ZBTB7C: variants seen among roughly 807,000 people sequenced by gnomAD.
ZBTB7C encodes zinc finger and BTB domain-containing protein 7C.
A neutral mutation model predicts 25.7 loss-of-function variants in ZBTB7C; 8 were observed. That is an observed-to-expected ratio of 0.31 (90% CI 0.18 to 0.56). ZBTB7C has a LOEUF of 0.56. Ranked by LOEUF, ZBTB7C falls within the 20% of genes least tolerant of loss-of-function variation. The pLI is 0.91. For missense variants in ZBTB7C, 824 were observed against 855.2 expected (o/e 0.96, Z 0.46); for synonymous variants, 394 against 369.0 (o/e 1.07, Z -0.78).
chr18:48,094,151 A>G (rs1044983578), intron 3 of ZBTB7C, among the ~76,000 whole-genome samples: 1 of 152,242 alleles, frequency 6.6e-6, no homozygotes. Flanking sequence ...TATTCTGGCT[A>G]CTGTTCAACT....
At chr18:48,247,663 C>G (rs1192625853) in intron 2 of ZBTB7C, among the ~76,000 whole-genome samples, 1 of 152,178 alleles carries the variant, frequency 6.6e-6, no homozygotes, top group Non-Finnish European at 1.5e-5. Flanking sequence ...GTGTCCCCAC[C>G]CAAATCTCAT....
intron 2 of ZBTB7C, among the ~76,000 whole-genome samples, chr18:48,312,259 G>C (rs2045838364): frequency 6.6e-6 from 1 of 152,190 alleles, no homozygotes. Context: ...ATCTTCTTGA[G>C]GCCATCCAGG....
chr18:48,196,094 G>A (rs909421143), intron 2 of ZBTB7C, among the ~76,000 whole-genome samples: 12 of 152,156 alleles, frequency 7.9e-5, no homozygotes, highest in African/African-American at 2.7e-4. Context: ...AGGGGGAATG[G>A]AGAAAGCTGG....
chr18:48,057,218 G>A (rs1441012903), intron 3 of ZBTB7C, among the ~76,000 whole-genome samples: 1 of 151,928 alleles, frequency 6.6e-6, no homozygotes, highest in Admixed American at 6.6e-5. Flanking sequence ...AAAAAATTCT[G>A]ATAACTCAGC....
intron 3 of ZBTB7C, among the ~76,000 whole-genome samples, chr18:48,083,566 G>A (rs1443531325): frequency 1.3e-5 from 2 of 152,102 alleles, no homozygotes; most frequent in Admixed American, 6.6e-5. Context: ...AGGAGGCTGC[G>A]GTGCAAAGTT....
At chr18:48,189,356 T>C (rs544313856) in intron 2 of ZBTB7C, among the ~76,000 whole-genome samples, 1 of 152,214 alleles carries the variant, frequency 6.6e-6, no homozygotes, top group Non-Finnish European at 1.5e-5. Flanking sequence ...ATTTTTTTTC[T>C]ATGCCCTGGA....
chr18:48,395,265 ATGTGTGTGTGTGTGTGTGTGTGTGTGTG>A (rs59232482), intron 1 of ZBTB7C, among the ~76,000 whole-genome samples: 5 of 103,568 alleles, frequency 4.8e-5, no homozygotes, highest in Admixed American at 2.1e-4. Flanking sequence ...GAGAGAGAGA[ATGTGTGTGTGTGTGTGTGTGTGTGTGTG>A]TGTGTGTGTG....
At chr18:48,129,237 C>T (rs1489903862) in intron 3 of ZBTB7C, among the ~76,000 whole-genome samples, 3 of 151,804 alleles carry the variant, frequency 2.0e-5, no homozygotes, top group Non-Finnish European at 4.4e-5. Context: ...TGGTGAAAAA[C>T]CAAAGGTCAA....
At chr18:48,255,965 G>GA (rs2044009696) in intron 2 of ZBTB7C, among the ~76,000 whole-genome samples, 1 of 152,008 alleles carries the variant, frequency 6.6e-6, no homozygotes, top group Non-Finnish European at 1.5e-5. Context: ...AACACATAGA[G>GA]AAAAAAGAAT....
At chr18:48,352,504 G>A (rs950792012) in intron 1 of ZBTB7C, among the ~76,000 whole-genome samples, 6 of 152,176 alleles carry the variant, frequency 3.9e-5, no homozygotes, top group Non-Finnish European at 1.5e-5. Context: ...CCCAAGAGGA[G>A]GCACAGTCTC....
intron 3 of ZBTB7C, among the ~76,000 whole-genome samples, chr18:48,044,012 G>T (rs1409452676): frequency 1.3e-5 from 2 of 152,158 alleles, no homozygotes; most frequent in Non-Finnish European, 2.9e-5. Flanking sequence ...ATCCAGCATG[G>T]GAGGATGTGG....
intron 3 of ZBTB7C, among the ~76,000 whole-genome samples, chr18:48,065,464 A>C (rs2037293795): frequency 6.6e-6 from 1 of 152,194 alleles, no homozygotes. Context: ...GCCTTTTAAT[A>C]TCCTGCAGAA....
At chr18:48,097,382 G>GTTGTTATTATTATTA (rs10651143) in intron 3 of ZBTB7C, among the ~76,000 whole-genome samples, 5,286 of 144,882 alleles carry the variant, frequency 0.036, 112 homozygotes, top group Admixed American at 0.058. Context: ...TATTGTTGTT[G>GTTGTTATTATTATTA]TTATTATTAT....
intron 3 of ZBTB7C, among the ~76,000 whole-genome samples, chr18:48,097,987 A>G (rs575913226): frequency 6.6e-6 from 1 of 152,260 alleles, no homozygotes; most frequent in African/African-American, 2.4e-5. Context: ...TCTTTCTGCT[A>G]AGACTCAGAA....
intron 3 of ZBTB7C, among the ~76,000 whole-genome samples, chr18:48,178,158 A>T (rs1810988924): frequency 6.6e-6 from 1 of 152,142 alleles, no homozygotes; most frequent in Non-Finnish European, 1.5e-5. Flanking sequence ...TCAACTCTCC[A>T]AATTGTCTAT....
chr18:48,164,498 G>A (rs1031414522), intron 3 of ZBTB7C, among the ~76,000 whole-genome samples: 1 of 152,134 alleles, frequency 6.6e-6, no homozygotes, highest in Non-Finnish European at 1.5e-5. Context: ...ATACTCATCT[G>A]CTAGATTTCC....
intron 3 of ZBTB7C, among the ~76,000 whole-genome samples, chr18:48,073,882 A>G (rs1353760575): frequency 6.6e-6 from 1 of 151,956 alleles, no homozygotes; most frequent in Non-Finnish European, 1.5e-5. Context: ...CCTCACTCTG[A>G]TTTGTCTCCT....
intron 3 of ZBTB7C, among the ~76,000 whole-genome samples, chr18:48,110,946 C>T (rs1349201642): frequency 6.6e-6 from 1 of 152,180 alleles, no homozygotes; most frequent in African/African-American, 2.4e-5. Flanking sequence ...GACAGAGTTA[C>T]AATCAATGAG....
chr18:48,170,107 C>A (rs979455219), intron 3 of ZBTB7C, among the ~76,000 whole-genome samples: 9 of 152,234 alleles, frequency 5.9e-5, no homozygotes, highest in Non-Finnish European at 7.3e-5. Flanking sequence ...CCAGCAAAAT[C>A]CGCCTTAAGG....
Sources: gnomAD v4.1 joint callset for allele counts (sites outside exome capture counted in the v4.1 genomes callset) on GRCh38, gnomAD v4.1.1 for gene constraint, MANE v1.5 for transcripts, NCBI Gene and HGNC (gene_info 2026-07-23, HGNC 2026-07-21) for gene names.